The following GALM variants were observed in gnomAD, a reference collection of about 807,000 sequenced individuals.
GALM encodes galactose mutarotase, also known as aldose 1-epimerase.
In GALM, 43 loss-of-function variants were observed where a neutral mutation model predicts 37.4. The ratio of observed to expected loss-of-function variants is 1.15; its 90% CI spans 0.90 to 1.48. GALM has a LOEUF of 1.48. GALM is among the 40% of genes most tolerant of loss of function. GALM has a pLI of 0.00. For missense variants in GALM, 456 were observed against 419.1 expected (o/e 1.09, Z -0.77); for synonymous variants, 199 against 170.6 (o/e 1.17, Z -1.30).
At chr2:38,682,715 A>G (rs34756536) in intron 3 of GALM, among the ~76,000 whole-genome samples, 15,440 of 151,976 alleles carry the variant, frequency 0.1, 907 homozygotes, top group East Asian at 0.22. Flanking sequence ...TGACCAACAT[A>G]GTGAAACCCC....
chr2:38,702,434 C>A (rs1390201003), intron 4 of GALM, among the ~76,000 whole-genome samples: 2 of 152,046 alleles, frequency 1.3e-5, no homozygotes, highest in Non-Finnish European at 2.9e-5. Context: ...CCTCACACCC[C>A]ACCCTGCTGT....
intron 4 of GALM, 110 bp from the exon 5 acceptor site, chr2:38,729,446 C>A: frequency 1.1e-6 from 1 of 880,476 alleles, no homozygotes; most frequent in Non-Finnish European, 1.7e-6. Flanking sequence ...ATCTCCTTAA[C>A]AAATTAAAAT....
intron 4 of GALM, among the ~76,000 whole-genome samples, chr2:38,708,111 T>A (rs2082291): frequency 0.034 from 4,577 of 135,764 alleles, 388 homozygotes; most frequent in African/African-American, 0.12. Flanking sequence ...TGTATCAAAA[T>A]TAAAATAAAA....
chr2:38,713,818 T>C (rs897088985), intron 4 of GALM, among the ~76,000 whole-genome samples: 2 of 151,552 alleles, frequency 1.3e-5, no homozygotes, highest in Admixed American at 1.3e-4. Flanking sequence ...GGCAGGAGGA[T>C]CACTTGGTTC....
chr2:38,693,498 A>AAGAG (rs1243574645), intron 4 of GALM, among the ~76,000 whole-genome samples: 3 of 150,464 alleles, frequency 2.0e-5, no homozygotes, highest in Non-Finnish European at 4.4e-5. Context: ...AAAAAAAAAA[A>AAGAG]AGAGAGAGAG....
chr2:38,675,653 C>T (rs1486380510), intron 1 of GALM, among the ~76,000 whole-genome samples: 1 of 150,104 alleles, frequency 6.7e-6, no homozygotes, highest in Non-Finnish European at 1.5e-5. Context: ...ACTGCAAGCT[C>T]CACCTCCCAG....
chr2:38,731,967 C>T, intron 6 of GALM, 58 bp downstream of exon 6: 1 of 1,344,270 alleles, frequency 7.4e-7, no homozygotes, highest in Non-Finnish European at 1.1e-6. Flanking sequence ...CACTGTACGA[C>T]AGAGTTCACT....
intron 4 of GALM, among the ~76,000 whole-genome samples, chr2:38,717,306 A>AGTGAGT (rs1276171770): frequency 2.8e-5 from 4 of 143,652 alleles, no homozygotes; most frequent in Non-Finnish European, 4.5e-5. Flanking sequence ...GTATTAAGGG[A>AGTGAGT]GTGTGTGTGT....
At chr2:38,708,972 C>A (rs1666098731) in intron 4 of GALM, among the ~76,000 whole-genome samples, 1 of 152,116 alleles carries the variant, frequency 6.6e-6, no homozygotes, top group South Asian at 2.1e-4. Flanking sequence ...TTCTCCAGCT[C>A]TCTCGGCAGG....
At chr2:38,683,319 C>G (rs1348961903) in intron 3 of GALM, among the ~76,000 whole-genome samples, 1 of 152,118 alleles carries the variant, frequency 6.6e-6, no homozygotes, top group Non-Finnish European at 1.5e-5. Context: ...AGACCCCACC[C>G]AAAAGCGCGG....
chr2:38,727,210 C>T lies in GALM; in HGVS notation c.635-2346C>T, dbSNP rs559470057. ...CAGCTTGGGCGACAGAGTGAGACTC[C>T]GTCTCAAGAAAAAAAAAAAAAAAAA... On this transcript the variant is annotated intron_variant, in intron 4 of 6. Coordinates refer to ENST00000272252, the MANE Select transcript of GALM (RefSeq NM_138801.3). Among the ~76,000 whole-genome samples, 40 of 140,444 alleles carry T rather than the reference C, an allele frequency of 2.8e-4. 1 individual carries two copies. The highest frequency in any genetic ancestry group is 2.8e-3 in the South Asian group (12 of 4,264). 92.1% of individuals were successfully genotyped at this position (140,444 alleles called of 152,430 possible).
At chr2:38,669,650 T>C (rs949551821) in intron 1 of GALM, 1 of 152,064 alleles carries the variant, frequency 6.6e-6, no homozygotes, top group African/African-American at 2.4e-5. Flanking sequence ...TCTGGGTGGG[T>C]GGATCACAAG....
chr2:38,704,889 C>T (rs1666007398), intron 4 of GALM, among the ~76,000 whole-genome samples: 1 of 152,084 alleles, frequency 6.6e-6, no homozygotes, highest in Non-Finnish European at 1.5e-5. Context: ...TTACTGAATC[C>T]TTCCTGTAAA....
chr2:38,672,394 T>C (rs1665131368), intron 1 of GALM, among the ~76,000 whole-genome samples: 1 of 152,228 alleles, frequency 6.6e-6, no homozygotes, highest in African/African-American at 2.4e-5. Context: ...GGGACTCCTT[T>C]TGGTTAACCA....
At chr2:38,702,477 C>T (rs1665939185) in intron 4 of GALM, among the ~76,000 whole-genome samples, 1 of 152,074 alleles carries the variant, frequency 6.6e-6, no homozygotes, top group African/African-American at 2.4e-5. Context: ...CTACAGAGAC[C>T]ACCCAATAAC....
intron 4 of GALM, among the ~76,000 whole-genome samples, chr2:38,728,392 CA>C (rs11464719): frequency 3.0e-4 from 43 of 141,480 alleles, no homozygotes; most frequent in African/African-American, 9.1e-4. Context: ...AACTCTGTCT[CA>C]AAAAAAAAAA....
chr2:38,675,533 TTTTTTTTTTTTG>T (rs1665229897), intron 1 of GALM, among the ~76,000 whole-genome samples: 3 of 89,582 alleles, frequency 3.3e-5, no homozygotes, highest in African/African-American at 1.9e-4. Flanking sequence ...TTTGTTTTTT[TTTTTTTTTTTTG>T]TGTGTGTGTG....
At chr2:38,732,057 G>T in intron 6 of GALM, 148 bp downstream of exon 6, 1 of 743,280 alleles carries the variant, frequency 1.3e-6, no homozygotes, top group South Asian at 1.8e-5. Context: ...TCTCACTCTT[G>T]TCGCCTAGGC....
intron 2 of GALM, among the ~76,000 whole-genome samples, chr2:38,679,610 C>G (rs1449431706): frequency 6.6e-6 from 1 of 152,144 alleles, no homozygotes; most frequent in East Asian, 1.9e-4. Flanking sequence ...GGTCTCATGC[C>G]TGCAACAGGC....
Sources: allele counts gnomAD v4.1 joint callset (sites outside exome capture counted in the v4.1 genomes callset), GRCh38; gene constraint gnomAD v4.1.1; transcripts MANE v1.5; gene names NCBI Gene and HGNC (gene_info 2026-07-23, HGNC 2026-07-21).